The following CYFIP1 variants were observed in gnomAD, a reference collection of about 807,000 sequenced individuals.
CYFIP1 encodes the protein cytoplasmic FMR1 interacting protein 1.
CYFIP1 carries 58 observed loss-of-function variants against 163.5 expected under a neutral mutation model. The ratio of observed to expected loss-of-function variants is 0.35; its 90% CI spans 0.29 to 0.44. The LOEUF is 0.44. Ranked by LOEUF, CYFIP1 falls within the 20% of genes least tolerant of loss-of-function variation. The pLI, the probability that CYFIP1 is intolerant of heterozygous loss-of-function variation, is 1.00. For synonymous variants in CYFIP1, 663 were observed against 660.7 expected (o/e 1.00, Z -0.05); for missense variants, 1,338 against 1,653.8 (o/e 0.81, Z 3.31).
rs138224467 is a variant in CYFIP1, at chr15:22,883,540, A to G, written c.2677-529T>C. On this transcript the variant is annotated intron_variant, in intron 23 of 30. Transcript: ENST00000617928. ...TTTTAAAAAAAAGCAGGTTTAGGCC[A>G]GGCGCGGCGACTCACACCTGTAATC... is the stretch of plus-strand genomic sequence containing the variant. Among the ~76,000 whole-genome samples, 1,199 of 152,288 alleles carry G rather than the reference A, an allele frequency of 7.9e-3. 14 individuals are homozygous for G. The highest frequency in any genetic ancestry group is 0.026 in the African/African-American group (1,079 of 41,554).
chr15:22,934,659 A>G (rs1043730766), intron 9 of CYFIP1, among the ~76,000 whole-genome samples: 1 of 149,640 alleles, frequency 6.7e-6, no homozygotes, highest in African/African-American at 2.5e-5. Context: ...CACCATGCCC[A>G]GCTAATTTTT....
At chr15:22,957,963 T>C (rs1177530934) in intron 1 of CYFIP1, among the ~76,000 whole-genome samples, 1 of 152,162 alleles carries the variant, frequency 6.6e-6, no homozygotes, top group Non-Finnish European at 1.5e-5. Context: ...CTGCAGCTGG[T>C]TTTCCCCAGG....
At chr15:22,880,501 C>A (rs77244847) in intron 25 of CYFIP1, among the ~76,000 whole-genome samples, 2 of 152,206 alleles carry the variant, frequency 1.3e-5, no homozygotes. Context: ...ACCAGGCCAG[C>A]TCCAGAGCAA....
intron 9 of CYFIP1, 80 bp from the exon 10 acceptor site, chr15:22,933,973 G>T: frequency 1.0e-6 from 1 of 963,612 alleles, no homozygotes; most frequent in Non-Finnish European, 1.6e-6. Flanking sequence ...ACTGACTAAT[G>T]CTAATAATTA....
intron 11 of CYFIP1, among the ~76,000 whole-genome samples, chr15:22,928,528 G>A (rs1346444607): frequency 6.6e-6 from 1 of 152,204 alleles, no homozygotes; most frequent in Non-Finnish European, 1.5e-5. Context: ...GGGACAGGCC[G>A]CTGCCACAGC....
chr15:22,962,332 C>T (rs2062708377), intron 1 of CYFIP1, among the ~76,000 whole-genome samples: 2 of 152,116 alleles, frequency 1.3e-5, no homozygotes, highest in Admixed American at 1.3e-4. Context: ...CCCTGCTCTG[C>T]ACCCCCAGGC....
chr15:22,979,181 T>C (rs73426825), intron 1 of CYFIP1, among the ~76,000 whole-genome samples: 1,569 of 152,162 alleles, frequency 0.01, 28 homozygotes, highest in African/African-American at 0.036. Flanking sequence ...CCGCGCCCAC[T>C]CACAGCGTGA....
chr15:22,894,902 C>T (rs577848461), intron 22 of CYFIP1, among the ~76,000 whole-genome samples: 3 of 142,904 alleles, frequency 2.1e-5, no homozygotes, highest in Admixed American at 7.2e-5. Context: ...GTCACCCACA[C>T]TGGAGTGCAG....
chr15:22,972,646 A>G (rs1044544469), intron 1 of CYFIP1, among the ~76,000 whole-genome samples: 1 of 152,190 alleles, frequency 6.6e-6, no homozygotes, highest in Admixed American at 6.5e-5. Context: ...AGAAAACTAG[A>G]TACACACATA....
rs768794846 is a variant in CYFIP1, at chr15:22,917,046, A to G, written c.1675-416T>C. The G allele has an allele frequency of 2.0e-5, 31 of 1,523,494 alleles. No individual in the cohort carries two copies. In the African/African-American group the frequency reaches 3.6e-4, roughly 18 times the overall value. The allele number at this position is 1,523,494 out of a possible 1,614,324, so 94.4% of individuals were successfully genotyped here. On this transcript the variant is annotated intron_variant, in intron 15 of 30. Coordinates refer to ENST00000617928, the MANE Select transcript of CYFIP1 (RefSeq NM_014608.6). The surrounding 1 kb of genome is among the most constrained non-coding windows in gnomAD (Gnocchi z 4.2). Reference sequence around the variant, plus strand: ...CAGGTAGAGCTAGACACGGACAGACAGGAGGGAGAGGCAGGAGAGAGACGT... The same window carrying G: ...CAGGTAGAGCTAGACACGGACAGACGGGAGGGAGAGGCAGGAGAGAGACGT...
intron 24 of CYFIP1, 23 bp from the exon 25 acceptor site, chr15:22,881,959 T>C (rs2059777367): frequency 6.2e-6 from 10 of 1,605,274 alleles, no homozygotes; most frequent in Non-Finnish European, 7.7e-6. Flanking sequence ...TGAGACGGGC[T>C]GCGTCAGCCA....
rs116237959 is a variant in CYFIP1 at position 22,910,501 on chromosome 15, C to T, written c.2268+19G>A. 53 of 1,602,308 alleles carry T rather than the reference C, an allele frequency of 3.3e-5. 1 individual carries two copies. The highest frequency in any genetic ancestry group is 4.3e-5 in the Non-Finnish European group (50 of 1,169,440). On this transcript the variant is annotated intron_variant, in intron 20 of 30. Transcript: ENST00000617928. ...CAATGCACACTCTACGTCCCCACCA[C>T]AGCCCGGCCCCAGCTCACCTGCACA...
intron 1 of CYFIP1, among the ~76,000 whole-genome samples, chr15:22,956,509 T>A (rs28446119): frequency 0.63 from 95,979 of 151,982 alleles, 30,531 homozygotes; most frequent in Middle Eastern, 0.76. Flanking sequence ...TGTGTGTGAG[T>A]GTGTGTGTCT....
chr15:22,925,575 A>G (rs1242047228), intron 13 of CYFIP1, among the ~76,000 whole-genome samples: 1 of 152,212 alleles, frequency 6.6e-6, no homozygotes, highest in African/African-American at 2.4e-5. Flanking sequence ...CAGGAAAAGC[A>G]CAGCTATGAA....
Position 22,868,663 on chromosome 15 carries a change from C to A in CYFIP1, c.*1365G>T, listed in dbSNP as rs2059321867. ...CACTTGAGTGAGTTTGGCAGTGTAA[C>A]AGGATGGTTCGTACACTTACTACTT... On this transcript the variant is annotated 3_prime_UTR_variant, in exon 31 of 31. Coordinates refer to ENST00000617928, the MANE Select transcript of CYFIP1 (RefSeq NM_014608.6). The A allele has an allele frequency of 7.0e-6, 1 of 143,128 alleles. No individual in the cohort carries two copies. The allele number at this position is 143,128 out of a possible 1,614,324, so 8.9% of individuals were successfully genotyped here. A position where few individuals can be genotyped will look rare whatever the true frequency, so the allele number is the denominator to read the frequency against.
chr15:22,884,961 T>C (rs1271392882), intron 23 of CYFIP1, among the ~76,000 whole-genome samples: 2 of 8,700 alleles, frequency 2.3e-4, no homozygotes, highest in Non-Finnish European at 4.6e-4. Flanking sequence ...TGCACGGGGA[T>C]GGGGGGTGGG....
chr15:22,872,790 G>C, intron 30 of CYFIP1, 35 bp downstream of exon 30: 1 of 1,601,228 alleles, frequency 6.2e-7, no homozygotes, highest in South Asian at 1.1e-5. Context: ...TTTTGCAAAA[G>C]GTCCATAGAT....
At chr15:22,879,247 G>A (rs1421904629) in intron 26 of CYFIP1, among the ~76,000 whole-genome samples, 4 of 152,158 alleles carry the variant, frequency 2.6e-5, no homozygotes, top group Non-Finnish European at 4.4e-5. Context: ...CGTTAGTCAC[G>A]ATGGAAGGCA....
rs996574661 is a variant in CYFIP1, at chr15:22,918,931, G to A, written c.1360-73C>T. On this transcript the variant is annotated intron_variant, in intron 13 of 30. Coordinates refer to ENST00000617928, the MANE Select transcript of CYFIP1 (RefSeq NM_014608.6). ...AAGCCTCCTCTGCCTGGCACATGCCGGGGGCTGCTCCTCCTCGCCCACAGC... is the reference window on the plus strand; with the variant it reads ...AAGCCTCCTCTGCCTGGCACATGCCAGGGGCTGCTCCTCCTCGCCCACAGC... 54 of 1,244,698 alleles carry A rather than the reference G, an allele frequency of 4.3e-5. 1 individual carries two copies. Among genetic ancestry groups the A allele is most frequent in the African/African-American group, 6.0e-5 (4 of 66,524 alleles). 77.1% of individuals were successfully genotyped at this position (1,244,698 alleles called of 1,614,324 possible).
Sources: allele counts gnomAD v4.1 joint callset (sites outside exome capture counted in the v4.1 genomes callset), GRCh38; gene constraint gnomAD v4.1.1; non-coding constraint Gnocchi (gnomAD v3.1); transcripts MANE v1.5; gene names NCBI Gene and HGNC (gene_info 2026-07-23, HGNC 2026-07-21).